Variants in KCNMA1 observed in about 807,000 individuals in gnomAD.
The protein encoded by KCNMA1 is potassium calcium-activated channel subfamily M alpha 1.
KCNMA1 carries 29 observed loss-of-function variants against 140.0 expected under a neutral mutation model. The observed-to-expected ratio is 0.21, with a 90% CI of 0.15 to 0.28. The LOEUF is 0.28. KCNMA1 is among the 10% of genes least tolerant of loss of function. KCNMA1 has a pLI of 1.00. For missense variants in KCNMA1, 880 were observed against 1,602.2 expected (o/e 0.55, Z 7.70); for synonymous variants, 612 against 611.9 (o/e 1.00, Z 0.00).
At chr10:77,280,572 A>G (rs374996326) in intron 2 of KCNMA1, among the ~76,000 whole-genome samples, 180 of 152,064 alleles carry the variant, frequency 1.2e-3, no homozygotes, top group Admixed American at 1.8e-3. Context: ...TGTTGCCCAG[A>G]CTGGAGTGCA....
chr10:77,060,254 A>G (rs2095690081), intron 14 of KCNMA1, among the ~76,000 whole-genome samples: 1 of 152,222 alleles, frequency 6.6e-6, no homozygotes. Flanking sequence ...GAATAGCCAA[A>G]GCAATTTTGA....
intron 3 of KCNMA1, among the ~76,000 whole-genome samples, chr10:77,233,107 A>C (rs1027802512): frequency 6.6e-6 from 1 of 152,186 alleles, no homozygotes; most frequent in South Asian, 2.1e-4. Flanking sequence ...CCCACACTGG[A>C]CAGCATCATT....
chr10:77,195,985 T>C (rs768860327), intron 3 of KCNMA1, among the ~76,000 whole-genome samples: 3 of 152,068 alleles, frequency 2.0e-5, no homozygotes, highest in South Asian at 2.1e-4. Flanking sequence ...ATTTCCACCA[T>C]ATCAATGACA....
At chr10:77,048,171 G>T (rs1258110765) in intron 14 of KCNMA1, among the ~76,000 whole-genome samples, 2 of 138,942 alleles carry the variant, frequency 1.4e-5, no homozygotes, top group African/African-American at 5.2e-5. Flanking sequence ...CCAATGCAAG[G>T]TACAAATCCA....
chr10:76,898,525 T>C (rs1281079515), intron 25 of KCNMA1, among the ~76,000 whole-genome samples: 1 of 150,970 alleles, frequency 6.6e-6, no homozygotes, highest in Non-Finnish European at 1.5e-5. Context: ...AAAAAAAAAA[T>C]CAATGGCCAA....
At chr10:77,322,966 G>A (rs1483319878) in intron 2 of KCNMA1, among the ~76,000 whole-genome samples, 3 of 152,124 alleles carry the variant, frequency 2.0e-5, no homozygotes, top group African/African-American at 7.2e-5. Context: ...TTACCCCTGA[G>A]GATTGACTTA....
chr10:77,113,458 TTTTTA>T (rs1253432809), intron 6 of KCNMA1, among the ~76,000 whole-genome samples: 1 of 152,102 alleles, frequency 6.6e-6, no homozygotes, highest in Non-Finnish European at 1.5e-5. Flanking sequence ...TACTTATTTA[TTTTTA>T]TTTTATTTTT....
chr10:77,518,249 T>C (rs1252439339), intron 1 of KCNMA1, among the ~76,000 whole-genome samples: 1 of 152,210 alleles, frequency 6.6e-6, no homozygotes, highest in Non-Finnish European at 1.5e-5. Context: ...TATCTGAAGT[T>C]AGTTTATTAT....
chr10:77,040,169 C>T (rs538245391), intron 14 of KCNMA1, among the ~76,000 whole-genome samples: 10 of 151,882 alleles, frequency 6.6e-5, no homozygotes, highest in Admixed American at 5.3e-4. Flanking sequence ...TGTGAGCCAC[C>T]GTGCACAGTC....
At chr10:77,189,760 T>G (rs949478495) in intron 3 of KCNMA1, among the ~76,000 whole-genome samples, 2 of 152,146 alleles carry the variant, frequency 1.3e-5, no homozygotes, top group South Asian at 4.1e-4. Flanking sequence ...CCACCAGGAT[T>G]ATGGACAGGC....
At chr10:77,081,093 C>A (rs1240189865) in intron 12 of KCNMA1, among the ~76,000 whole-genome samples, 1 of 152,112 alleles carries the variant, frequency 6.6e-6, no homozygotes, top group Admixed American at 6.5e-5. Flanking sequence ...CCAGGCCTCA[C>A]GTGTCCTCCC....
intron 23 of KCNMA1, among the ~76,000 whole-genome samples, chr10:76,934,689 T>G (rs1353798071): frequency 1.3e-5 from 2 of 152,110 alleles, no homozygotes; most frequent in Non-Finnish European, 2.9e-5. Flanking sequence ...CAGGATAAGG[T>G]AGTTGACCTA....
At chr10:77,031,344 C>G (rs2093925360) in intron 15 of KCNMA1, among the ~76,000 whole-genome samples, 1 of 152,212 alleles carries the variant, frequency 6.6e-6, no homozygotes. Flanking sequence ...AAAGGGAGTG[C>G]AGCTGTGAAG....
chr10:77,248,193 T>C (rs942678133), intron 3 of KCNMA1, among the ~76,000 whole-genome samples: 3 of 152,246 alleles, frequency 2.0e-5, no homozygotes, highest in African/African-American at 7.2e-5. Context: ...CCTAGCCTGC[T>C]TGTCCACTTG....
intron 10 of KCNMA1, among the ~76,000 whole-genome samples, chr10:77,089,362 T>C (rs2096764460): frequency 6.6e-6 from 1 of 152,136 alleles, no homozygotes; most frequent in South Asian, 2.1e-4. Flanking sequence ...TCCTGGACTT[T>C]GCGATGTGGT....
intron 2 of KCNMA1, among the ~76,000 whole-genome samples, chr10:77,302,046 T>G (rs1395083966): frequency 2.0e-5 from 3 of 152,024 alleles, no homozygotes; most frequent in Non-Finnish European, 4.4e-5. Flanking sequence ...ACATGTTGGA[T>G]GGGCCCTTTA....
chr10:77,038,536 T>G (rs954013072), intron 15 of KCNMA1, among the ~76,000 whole-genome samples: 7 of 152,112 alleles, frequency 4.6e-5, no homozygotes, highest in African/African-American at 1.7e-4. Context: ...ACTCAACATC[T>G]GAGATTTTTT....
intron 1 of KCNMA1, among the ~76,000 whole-genome samples, chr10:77,496,211 C>T (rs977556969): frequency 2.0e-5 from 3 of 152,254 alleles, no homozygotes; most frequent in African/African-American, 7.2e-5. Context: ...AGAATCCTGT[C>T]TGTCACCCTC....
intron 14 of KCNMA1, among the ~76,000 whole-genome samples, chr10:77,040,543 T>C (rs1411361942): frequency 6.6e-6 from 1 of 152,156 alleles, no homozygotes; most frequent in Non-Finnish European, 1.5e-5. Context: ...TCTGATCCTA[T>C]TTTTTTAGAT....
Sources: allele counts gnomAD v4.1 joint callset (sites outside exome capture counted in the v4.1 genomes callset), GRCh38; gene constraint gnomAD v4.1.1; transcripts MANE v1.5; gene names NCBI Gene and HGNC (gene_info 2026-07-23, HGNC 2026-07-21).